The following ITGB7 variants were observed in gnomAD, a reference collection of about 807,000 sequenced individuals.
The protein encoded by ITGB7 is integrin subunit beta 7.
Under a neutral mutation model 83.4 loss-of-function variants are expected in ITGB7, and 55 were observed. The observed-to-expected ratio is 0.66, with a 90% confidence interval of 0.53 to 0.83. The LOEUF is 0.83. Among genes scored for constraint, ITGB7 ranks in the 40% least tolerant of loss-of-function variants. The pLI is 0.00. For synonymous variants in ITGB7, 454 were observed against 423.6 expected (o/e 1.07, Z -0.88); for missense variants, 921 against 1,046.7 (o/e 0.88, Z 1.66).
intron 1 of ITGB7, among the ~76,000 whole-genome samples, chr12:53,204,738 G>A (rs1942394037): frequency 6.6e-6 from 1 of 151,768 alleles, no homozygotes; most frequent in African/African-American, 2.4e-5. Context: ...TAAATAAGAT[G>A]GTGAGAAATC....
chr12:53,195,848 G>T, intron 7 of ITGB7, 127 bp from the exon 8 acceptor site: 1 of 978,418 alleles, frequency 1.0e-6, no homozygotes, highest in Non-Finnish European at 1.6e-6. Context: ...GCTTGCTATG[G>T]AATAGGAAGG....
chr12:53,191,735 A>G (rs1187000542), intron 15 of ITGB7, 99 bp from the exon 16 acceptor site: 1 of 1,520,598 alleles, frequency 6.6e-7, no homozygotes, highest in East Asian at 2.3e-5. Context: ...CTAGGAGCTG[A>G]TGGAAGTTAG....
At position 53,204,943 on chromosome 12, in the gene ITGB7, T is replaced by G. The variant is rs143552083; in HGVS notation, c.-127+2259A>C. ...GGGTTCAAGTGAGTCGTGTGCCTCA[T>G]CCTCCTGAGTAGCTGGGATTACAGG... On this transcript the variant is annotated intron_variant, in intron 1 of 15. Coordinates refer to ENST00000267082, the MANE Select transcript of ITGB7 (RefSeq NM_000889.3). Among the ~76,000 whole-genome samples the G allele has an allele frequency of 2.8e-4, 41 of 146,358 alleles. 1 individual carries two copies. Among genetic ancestry groups the G allele is most frequent in the African/African-American group, 1.0e-3 (41 of 40,024 alleles).
intron 14 of ITGB7, 21 bp downstream of exon 14, chr12:53,192,309 G>T (rs1303662776): frequency 5.6e-6 from 9 of 1,611,576 alleles, no homozygotes; most frequent in Non-Finnish European, 7.6e-6. Context: ...TCCAGGGTTT[G>T]TGGCATCCCT....
In ITGB7 at chr12:53,197,644, C is replaced by T; in HGVS notation, c.423G>A (p.Gln141=). ...TLRPGEPQQL[Q]VRFLRAEGYP... ...ATCCCTCAGCACGAAGGAAGCGGAC[C>T]TGGAGCTGCTGGGGCTCCCCTAGGG... The change falls in exon 5 of 16, where the codon CAG becomes CAA. Residue 141 remains glutamine (Q), a synonymous_variant. Coordinates refer to ENST00000267082, the MANE Select transcript of ITGB7 (RefSeq NM_000889.3). 4 of 1,613,944 alleles carry T rather than the reference C, an allele frequency of 2.5e-6. No individual in the cohort carries two copies. The highest frequency in any genetic ancestry group is 3.4e-6 in the Non-Finnish European group (4 of 1,179,904).
At chr12:53,193,037 C>G (rs994556038) in intron 12 of ITGB7, 103 bp downstream of exon 12, 1 of 1,375,364 alleles carries the variant, frequency 7.3e-7, no homozygotes, top group African/African-American at 1.4e-5. Context: ...ACCCATACAC[C>G]GGAATCTTTT....
chr12:53,195,236 C>T, intron 9 of ITGB7, 138 bp downstream of exon 9: 1 of 654,774 alleles, frequency 1.5e-6, no homozygotes, highest in South Asian at 1.8e-5. Context: ...CAGCCACATG[C>T]AGACTATAGG....
Position 53,193,525 on chromosome 12 carries a change from G to A in ITGB7, c.1503-162C>T, listed in dbSNP as rs1592398240. 7 of 739,512 alleles carry A rather than the reference G, an allele frequency of 9.5e-6. No homozygotes were observed. The South Asian group carries it at 1.4e-4, about 14-fold the overall frequency. 45.8% of individuals were successfully genotyped at this position (739,512 alleles called of 1,614,324 possible). A position where few individuals can be genotyped will look rare whatever the true frequency, so the allele number is the denominator to read the frequency against. ...TGAAACACTGAGGGGTGAGAGAGTG[G>A]AGGGAGCCCCAGTCAGGGGGAGGGC... On this transcript the variant is annotated intron_variant, in intron 11 of 15. Coordinates refer to ENST00000267082, the MANE Select transcript of ITGB7 (RefSeq NM_000889.3).
chr12:53,193,256 C>T lies in ITGB7; in HGVS notation c.1610G>A (p.Cys537Tyr). The T allele has an allele frequency of 6.2e-7, 1 of 1,614,120 alleles. No homozygotes were observed. Among genetic ancestry groups the T allele is most frequent in the Non-Finnish European group, 8.5e-7 (1 of 1,179,954 alleles). The change falls in exon 12 of 16, where the codon TGC becomes TAC. Residue 537 changes from cysteine to tyrosine, a missense_variant. By Grantham distance (194) the Cys-to-Tyr change is radical. Coordinates refer to ENST00000267082, the MANE Select transcript of ITGB7 (RefSeq NM_000889.3). ...ACATTGACAGTGACCCTTTCCACTG[C>T]ACAGGGGCCCTGTGCCATTGGGAGC... ...CRAPNGTGPL[C>Y]SGKGHCQCGR... is the part of the protein sequence containing the mutation.
Position 53,192,369 on chromosome 12 carries a change from C to T in ITGB7, c.2116G>A (p.Ala706Thr), listed in dbSNP as rs747774269. The T allele has an allele frequency of 1.5e-5, 24 of 1,613,982 alleles. No individual in the cohort carries two copies. The highest frequency in any genetic ancestry group is 2.2e-5 in the East Asian group (1 of 44,876). The change falls in exon 14 of 16, where the codon GCC becomes ACC. Residue 706 changes from alanine to threonine, a missense_variant. Transcript: ENST00000267082. ...QLFFFLVEDD[A>T]RGTVVLRVRP... ...ACTCTGAGCACGACCGTGCCTCTGG[C>T]GTCATCCTCCACCAAGAAGAAGAAC...
chr12:53,196,486 G>A (rs1942164420), intron 6 of ITGB7, 93 bp downstream of exon 6: 2 of 1,454,704 alleles, frequency 1.4e-6, no homozygotes, highest in African/African-American at 1.4e-5. Context: ...TGGTATGAAT[G>A]GCACCCCCTA....
At chr12:53,200,094 C>T in intron 3 of ITGB7, 149 bp downstream of exon 3, 1 of 691,356 alleles carries the variant, frequency 1.4e-6, no homozygotes, top group South Asian at 1.8e-5. Flanking sequence ...GTCCTATGTG[C>T]ACAAACTCAG....
chr12:53,195,172 G>C, intron 9 of ITGB7: 2 of 590,172 alleles, frequency 3.4e-6, no homozygotes, highest in South Asian at 2.1e-5. Context: ...GCTCCATGCT[G>C]TCTGCATGTC....
chr12:53,195,544 TG>T, intron 8 of ITGB7, 81 bp from the exon 9 acceptor site: 1 of 1,514,652 alleles, frequency 6.6e-7, no homozygotes. Context: ...GGAGGGCATA[TG>T]GGGGACGGAG....
At chr12:53,205,696 G>C (rs1942427232) in intron 1 of ITGB7, among the ~76,000 whole-genome samples, 1 of 152,142 alleles carries the variant, frequency 6.6e-6, no homozygotes, top group South Asian at 2.1e-4. Flanking sequence ...ATTCCCATCA[G>C]CAATGTATGA....
At chr12:53,203,026 G>A (rs560334595) in intron 1 of ITGB7, among the ~76,000 whole-genome samples, 4 of 152,226 alleles carry the variant, frequency 2.6e-5, no homozygotes, top group South Asian at 2.1e-4. Context: ...CTTGGTAATG[G>A]ATTCTTAGCT....
intron 10 of ITGB7, 21 bp downstream of exon 10, chr12:53,194,177 C>T: frequency 6.2e-7 from 1 of 1,613,866 alleles, no homozygotes; most frequent in East Asian, 2.2e-5. Context: ...CCGCCTTCTG[C>T]CTGTGCTTGC....
chr12:53,204,911 G>A (rs949837083), intron 1 of ITGB7, among the ~76,000 whole-genome samples: 7 of 136,278 alleles, frequency 5.1e-5, no homozygotes, highest in Non-Finnish European at 3.0e-5. Flanking sequence ...TACAACCTCT[G>A]CCTCCTGGGT....
intron 7 of ITGB7, 87 bp downstream of exon 7, chr12:53,195,954 T>C: frequency 6.7e-7 from 1 of 1,492,176 alleles, no homozygotes. Context: ...TGGTTACTGG[T>C]GAGGACTGTA....
Sources: gnomAD v4.1 joint callset for allele counts (sites outside exome capture counted in the v4.1 genomes callset) on GRCh38, gnomAD v4.1.1 for gene constraint, MANE v1.5 for transcripts, NCBI Gene and HGNC (gene_info 2026-07-23, HGNC 2026-07-21) for gene names.